Variants in PRAM1 observed in about 807,000 individuals in gnomAD.
PRAM1 encodes the protein PML-RARA-regulated adapter molecule 1.
Under a neutral mutation model 55.3 loss-of-function variants are expected in PRAM1, and 41 were observed. The ratio of observed to expected loss-of-function variants is 0.74; its 90% confidence interval spans 0.58 to 0.96. The LOEUF (loss-of-function observed/expected upper bound fraction) is 0.96, where lower values mean the gene tolerates loss of function less well. PRAM1 is among the 40% of genes least tolerant of loss of function. The pLI is 0.00. For missense variants in PRAM1, 898 were observed against 892.7 expected (o/e 1.01, Z -0.08); for synonymous variants, 401 against 387.1 (o/e 1.04, Z -0.42).
chr19:8,490,630 T>C lies in PRAM1; in HGVS notation c.1870A>G (p.Asn624Asp). ...GGGTCCCGGCACAGCATCTCCTCAT[T>C]GCTGGTGAACTCGATCACCTCCAGG... ...EILEVIEFTSNEEMLCRDPKG... is the reference protein window; with the variant it reads ...EILEVIEFTSDEEMLCRDPKG... Residue 624 changes from asparagine to aspartate, a missense_variant, in exon 7 of 10, where the codon AAT becomes GAT. This residue lies in a region of PRAM1 where 787 missense variants were observed against 735.4 expected (regional missense o/e 1.07). Transcript: ENST00000423345. The surrounding 1 kb of genome is among the most constrained non-coding windows in gnomAD (Gnocchi z 7.3). The C allele has an allele frequency of 1.3e-6, 2 of 1,585,866 alleles. No homozygotes were observed. The highest frequency in any genetic ancestry group is 1.7e-4 in the Middle Eastern group (1 of 6,028).
At position 8,490,764 on chromosome 19, in the gene PRAM1, G is replaced by A. The variant is rs369357687; in HGVS notation, c.1744-8C>T. On this transcript the variant is annotated splice_region_variant and splice_polypyrimidine_tract_variant and intron_variant, in intron 6 of 9. Transcript: ENST00000423345. This position sits in a 1 kb window ranked among gnomAD's most constrained non-coding sequence, Gnocchi z 7.3. ...CACGATCTCCCCTTCAAACTGGGGC[G>A]CGAGATGTTAGGGCCTCTGCTTGTG... 164 of 1,608,100 alleles carry A rather than the reference G, an allele frequency of 1.0e-4. No homozygotes were observed. Among genetic ancestry groups the A allele is most frequent in the East Asian group, 5.6e-4 (25 of 44,866 alleles).
At chr19:8,491,071 C>G (rs776856757) in intron 5 of PRAM1, 29 bp downstream of exon 5, 2 of 1,612,004 alleles carry the variant, frequency 1.2e-6, no homozygotes, top group Non-Finnish European at 8.5e-7. Flanking sequence ...GCTCGCCCCC[C>G]GTCTGCCCAC....
At chr19:8,495,445 G>A (rs985212045) in intron 4 of PRAM1, among the ~76,000 whole-genome samples, 2 of 151,774 alleles carry the variant, frequency 1.3e-5, no homozygotes, top group African/African-American at 4.8e-5. Flanking sequence ...TTTGCCATGC[G>A]GGCCAGGCTG....
rs142050285 is a variant in PRAM1 at position 8,499,322 on chromosome 19, C to G, written c.486G>C (p.Ala162=). The G allele has an allele frequency of 4.3e-6, 7 of 1,609,984 alleles. No individual in the cohort carries two copies. The East Asian group carries it at 1.3e-4, about 31-fold the overall frequency. ...PLKASLPEPG[A]PARKPLQPDE... is the part of the protein sequence containing the mutation. ...CGGGCTGCAGGGGTTTCCGGGCCGG[C>G]GCACCAGGCTCCGGCAGCGAGGCCT... is the stretch of plus-strand genomic sequence containing the variant. Residue 162 remains alanine (A), a synonymous_variant, in exon 2 of 10, where the codon GCG becomes GCC. Coordinates refer to ENST00000423345, the MANE Select transcript of PRAM1 (RefSeq NM_032152.5).
In PRAM1 at chr19:8,491,098, A is replaced by G; in HGVS notation, c.1634+2T>C. 1 of 1,612,180 alleles carries G rather than the reference A, an allele frequency of 6.2e-7. No homozygotes were observed. Among genetic ancestry groups the G allele is most frequent in the Non-Finnish European group, 8.5e-7 (1 of 1,179,818 alleles). On this transcript the variant is annotated splice_donor_variant, in intron 5 of 9. Transcript: ENST00000423345. LOFTEE classifies it high-confidence loss of function. Reference sequence around the variant, plus strand: ...TCTGCCCACCCCCTCTGCCCATGGCACCTGAGCGCTGGGTCTTGTGGTGGC... The same window carrying G: ...TCTGCCCACCCCCTCTGCCCATGGCGCCTGAGCGCTGGGTCTTGTGGTGGC...
intron 4 of PRAM1, among the ~76,000 whole-genome samples, chr19:8,492,383 A>T (rs1037573656): frequency 3.3e-5 from 5 of 151,742 alleles, no homozygotes; most frequent in African/African-American, 9.7e-5. Context: ...CAGCATCCTG[A>T]GTAGCTGGGA....
rs981999072 is a variant in PRAM1 at position 8,493,404 on chromosome 19, C to T, written c.1577-2247G>A. Reference sequence around the variant, plus strand: ...CTGCTCCTGCCTCTCAGAGGCTTCCCTGGCCGTGAGCAGTCACTCCACCAG... The same window carrying T: ...CTGCTCCTGCCTCTCAGAGGCTTCCTTGGCCGTGAGCAGTCACTCCACCAG... On this transcript the variant is annotated intron_variant, in intron 4 of 9. Transcript: ENST00000423345. This position sits in a 1 kb window ranked among gnomAD's most constrained non-coding sequence, Gnocchi z 4.1. 2.0e-5 allele frequency among the ~76,000 whole-genome samples: 3 copies of T among 152,234 alleles called. No homozygotes were observed. The highest frequency in any genetic ancestry group is 7.2e-5 in the African/African-American group (3 of 41,470).
In PRAM1 at chr19:8,490,326, G is replaced by A; in HGVS notation, c.1975+12C>T. ...CCAGGGTCCCTCCAGCCCTCCCAGAGTGTCCACGTACCGCAGAAGTCGACA... is the reference window on the plus strand; with the variant it reads ...CCAGGGTCCCTCCAGCCCTCCCAGAATGTCCACGTACCGCAGAAGTCGACA... On this transcript the variant is annotated intron_variant, in intron 9 of 9. Coordinates refer to ENST00000423345, the MANE Select transcript of PRAM1 (RefSeq NM_032152.5). This position sits in a 1 kb window ranked among gnomAD's most constrained non-coding sequence, Gnocchi z 7.3. 1 of 1,613,986 alleles carries A rather than the reference G, an allele frequency of 6.2e-7. No homozygotes were observed. The highest frequency in any genetic ancestry group is 8.5e-7 in the Non-Finnish European group (1 of 1,179,888).
chr19:8,495,901 G>A (rs1971693401), intron 4 of PRAM1, among the ~76,000 whole-genome samples: 1 of 152,138 alleles, frequency 6.6e-6, no homozygotes, highest in Non-Finnish European at 1.5e-5. Flanking sequence ...CAGGCAAGGT[G>A]CTTGCCTGGA....
chr19:8,490,324 G>A lies in PRAM1; in HGVS notation c.1975+14C>T. ...CGCCAGGGTCCCTCCAGCCCTCCCA[G>A]AGTGTCCACGTACCGCAGAAGTCGA... On this transcript the variant is annotated intron_variant, in intron 9 of 9. Coordinates refer to ENST00000423345, the MANE Select transcript of PRAM1 (RefSeq NM_032152.5). This position sits in a 1 kb window ranked among gnomAD's most constrained non-coding sequence, Gnocchi z 7.3. 1 of 1,613,978 alleles carries A rather than the reference G, an allele frequency of 6.2e-7. No individual in the cohort carries two copies. The highest frequency in any genetic ancestry group is 8.5e-7 in the Non-Finnish European group (1 of 1,179,886).
In PRAM1 at chr19:8,490,191, AC is replaced by A; in HGVS notation, c.2010del (p.Ter671LysfsTer?). 1 of 1,579,612 alleles carries A rather than the reference AC, an allele frequency of 6.3e-7. No individual in the cohort carries two copies. The highest frequency in any genetic ancestry group is 8.6e-7 in the Non-Finnish European group (1 of 1,161,496). On this transcript the variant is annotated frameshift_variant, in exon 10 of 10. Coordinates refer to ENST00000423345, the MANE Select transcript of PRAM1 (RefSeq NM_032152.5). LOFTEE classifies it high-confidence loss of function. This position sits in a 1 kb window ranked among gnomAD's most constrained non-coding sequence, Gnocchi z 7.3. ...PLENQPLPLG[R>X] is the part of the protein sequence containing the mutation. ...TCCTGGCCCCACGCCTACCGGTCTT[AC>A]CGTCCCAGGGGGAGTGGTTGGTTTT...
At position 8,490,354 on chromosome 19, in the gene PRAM1, A is replaced by G. The variant is rs1200676301; in HGVS notation, c.1959T>C (p.Asp653=). 6 of 1,613,822 alleles carry G rather than the reference A, an allele frequency of 3.7e-6. No individual in the cohort carries two copies. In the African/African-American group the frequency reaches 5.3e-5, roughly 14 times the overall value. Residue 653 remains aspartate (D), a synonymous_variant, in exon 9 of 10, where the codon GAT becomes GAC. Coordinates refer to ENST00000423345, the MANE Select transcript of PRAM1 (RefSeq NM_032152.5). This position sits in a 1 kb window ranked among gnomAD's most constrained non-coding sequence, Gnocchi z 7.3. ...TCCACGTACCGCAGAAGTCGACATC[A>G]TCGTACACCTCCGTCTCCCTGGCAG... The part of the protein sequence containing the change: ...ALLPLETEVY[D]DVDFCDPLEN...
chr19:8,490,628 A>G lies in PRAM1; in HGVS notation c.1872T>C (p.Asn624=), dbSNP rs767216033. 13 of 1,585,082 alleles carry G rather than the reference A, an allele frequency of 8.2e-6. No homozygotes were observed. Among genetic ancestry groups the G allele is most frequent in the Admixed American group, 3.6e-5 (2 of 55,032 alleles). ...TGGGGTCCCGGCACAGCATCTCCTC[A>G]TTGCTGGTGAACTCGATCACCTCCA... The part of the protein sequence containing the change: ...EILEVIEFTS[N]EEMLCRDPKG... The change falls in exon 7 of 10, where the codon AAT becomes AAC. Residue 624 remains asparagine, a synonymous_variant. Coordinates refer to ENST00000423345, the MANE Select transcript of PRAM1 (RefSeq NM_032152.5). The surrounding 1 kb of genome is among the most constrained non-coding windows in gnomAD (Gnocchi z 7.3).
chr19:8,494,461 AGGG>A (rs1326455590), intron 4 of PRAM1, among the ~76,000 whole-genome samples: 6 of 152,246 alleles, frequency 3.9e-5, no homozygotes, highest in Admixed American at 6.5e-5. Context: ...GGAGAAGCAG[AGGG>A]GGCCTCTCTG....
chr19:8,497,423 G>A (rs540413920), intron 4 of PRAM1, among the ~76,000 whole-genome samples: 1 of 152,216 alleles, frequency 6.6e-6, no homozygotes, highest in South Asian at 2.1e-4. Context: ...GGATCCTCCT[G>A]TCTTGGCCTC....
In PRAM1 at chr19:8,498,572, C is replaced by CTCCAAACCCAGCG. The variant is rs778337601; in HGVS notation, c.1235_1236insCGCTGGGTTTGGA (p.Thr415PhefsTer86). 26 of 1,612,320 alleles carry CTCCAAACCCAGCG rather than the reference C, an allele frequency of 1.6e-5. No individual in the cohort carries two copies. In the South Asian group the frequency reaches 2.9e-4, roughly 18 times the overall value. ...CTGACCTCCAGCGGGGTGTCCCAGC[C>CTCCAAACCCAGCG]GCTCCAAACCCAGGGCTGAGCGGGT... On this transcript the variant is annotated frameshift_variant, in exon 2 of 10. Transcript: ENST00000423345. LOFTEE classifies it high-confidence loss of function.
In PRAM1 at chr19:8,499,166, C is replaced by T; in HGVS notation, c.642G>A (p.Lys214=). The T allele has an allele frequency of 6.2e-7, 1 of 1,613,764 alleles. No homozygotes were observed. The highest frequency in any genetic ancestry group is 8.5e-7 in the Non-Finnish European group (1 of 1,179,816). The change falls in exon 2 of 10, where the codon AAG becomes AAA. Residue 214 remains lysine, a synonymous_variant. Coordinates refer to ENST00000423345, the MANE Select transcript of PRAM1 (RefSeq NM_032152.5). ...SPQPELSTFP[K]KPAQPEFNVY... ...CGTTGAACTCAGGCTGCGCAGGCTT[C>T]TTGGGAAAGGTACTCAACTCAGGCT...
Position 8,499,276 on chromosome 19 carries a change from T to C in PRAM1, c.532A>G (p.Arg178Gly). 1 of 1,609,568 alleles carries C rather than the reference T, an allele frequency of 6.2e-7. No individual in the cohort carries two copies. Among genetic ancestry groups the C allele is most frequent in the Non-Finnish European group, 8.5e-7 (1 of 1,177,722 alleles). Reference protein sequence around the residue: ...LQPDELSHPARPPSEPKSGAF... With the variant: ...LQPDELSHPAGPPSEPKSGAF... ...CCGGATTTGGGTTCGGAGGGGGGTCTGGCGGGGTGACTGAGTTCGTCGGGC... is the reference window on the plus strand; with the variant it reads ...CCGGATTTGGGTTCGGAGGGGGGTCCGGCGGGGTGACTGAGTTCGTCGGGC... Residue 178 changes from arginine to glycine, a missense_variant, in exon 2 of 10, where the codon AGA becomes GGA. By Grantham distance (125) the Arg-to-Gly change is moderately radical. Transcript: ENST00000423345.
chr19:8,496,453 G>A (rs571599107), intron 4 of PRAM1, among the ~76,000 whole-genome samples: 2 of 152,038 alleles, frequency 1.3e-5, no homozygotes, highest in Non-Finnish European at 2.9e-5. Context: ...GGCCGGGCGC[G>A]GTGGCTCATG....
Sources: gnomAD v4.1 joint callset for allele counts (sites outside exome capture counted in the v4.1 genomes callset) on GRCh38, gnomAD v4.1.1 for gene constraint, gnomAD v4.1.1 regional missense constraint, Gnocchi (gnomAD v3.1) non-coding constraint, MANE v1.5 for transcripts, NCBI Gene and HGNC (gene_info 2026-07-23, HGNC 2026-07-21) for gene names.